GALNT17: variants seen among roughly 807,000 people sequenced by gnomAD.
The protein encoded by GALNT17 is UDP-GalNAc:polypeptide N-acetylgalactosaminyltransferase-like 3.
Under a neutral mutation model 63.7 loss-of-function variants are expected in GALNT17, and 29 were observed. That is an observed-to-expected ratio of 0.46 (90% CI 0.34 to 0.62). GALNT17 has a LOEUF of 0.62. GALNT17 is among the 20% of genes least tolerant of loss of function. GALNT17 has a pLI of 0.01. For missense variants in GALNT17, 603 were observed against 799.6 expected (o/e 0.75, Z 2.97); for synonymous variants, 305 against 318.3 (o/e 0.96, Z 0.45).
intron 1 of GALNT17, among the ~76,000 whole-genome samples, chr7:71,235,254 A>G (rs370915464): frequency 6.9e-6 from 1 of 145,154 alleles, no homozygotes; most frequent in Non-Finnish European, 1.5e-5. Context: ...CCATCTCGGA[A>G]AAAAAAAAAA....
chr7:71,340,896 G>A (rs1224094748), intron 2 of GALNT17, among the ~76,000 whole-genome samples: 1 of 152,016 alleles, frequency 6.6e-6, no homozygotes, highest in African/African-American at 2.4e-5. Flanking sequence ...AAATTAGCTG[G>A]GCATAGTGGT....
rs1788951007 is a variant in GALNT17, at chr7:71,544,591, G to A, written c.963-26694G>A. Among the ~76,000 whole-genome samples, 6 of 152,276 alleles carry A rather than the reference G, an allele frequency of 3.9e-5. No homozygotes were observed. The South Asian group carries it at 1.2e-3, about 32-fold the overall frequency. ...AGTGCAGACTCAATCAACCTAAGCA[G>A]ATAGAGGAGGCTCTCCAAAGCCCAG... On this transcript the variant is annotated intron_variant, in intron 5 of 10. Transcript: ENST00000333538.
At chr7:71,174,591 C>T (rs890828576) in intron 1 of GALNT17, among the ~76,000 whole-genome samples, 3 of 152,084 alleles carry the variant, frequency 2.0e-5, no homozygotes, top group Non-Finnish European at 2.9e-5. Flanking sequence ...TTATAGGTTT[C>T]GGGATGGGCG....
chr7:71,459,519 C>T (rs892594177), intron 5 of GALNT17, among the ~76,000 whole-genome samples: 4 of 152,146 alleles, frequency 2.6e-5, no homozygotes, highest in Non-Finnish European at 4.4e-5. Context: ...GGGAGTCATG[C>T]CTTATAAATC....
At chr7:71,498,831 A>G (rs146163896) in intron 5 of GALNT17, among the ~76,000 whole-genome samples, 206 of 152,360 alleles carry the variant, frequency 1.4e-3, no homozygotes, top group Admixed American at 2.1e-3. Context: ...AGAGATGAAT[A>G]GGGTTGAAAT....
intron 6 of GALNT17, among the ~76,000 whole-genome samples, chr7:71,617,624 GT>G: frequency 1.8e-5 from 1 of 55,054 alleles, no homozygotes; most frequent in East Asian, 3.7e-4. Flanking sequence ...GCTTTTGTTT[GT>G]TTGTTTGTTT....
intron 1 of GALNT17, among the ~76,000 whole-genome samples, chr7:71,232,078 G>A (rs1359712246): frequency 6.6e-6 from 1 of 152,176 alleles, no homozygotes; most frequent in African/African-American, 2.4e-5. Context: ...GAGAATTCTA[G>A]GATTGCTACA....
At chr7:71,265,116 A>ATTTT (rs1562957669) in intron 1 of GALNT17, among the ~76,000 whole-genome samples, 5 of 59,032 alleles carry the variant, frequency 8.5e-5, no homozygotes, top group African/African-American at 2.7e-4. Context: ...ATATATATAT[A>ATTTT]TATTTTTTTT....
At chr7:71,465,789 A>G (rs1051684064) in intron 5 of GALNT17, among the ~76,000 whole-genome samples, 5 of 152,198 alleles carry the variant, frequency 3.3e-5, no homozygotes, top group Non-Finnish European at 7.4e-5. Flanking sequence ...TCTTGAGGTT[A>G]TAGAAAGGAT....
At chr7:71,643,994 G>T (rs1389644370) in intron 6 of GALNT17, among the ~76,000 whole-genome samples, 1 of 152,190 alleles carries the variant, frequency 6.6e-6, no homozygotes, top group Admixed American at 6.5e-5. Flanking sequence ...GCTGAAAAAT[G>T]AATTGTTTTC....
intron 4 of GALNT17, among the ~76,000 whole-genome samples, chr7:71,418,938 A>G (rs1318864670): frequency 2.0e-5 from 3 of 152,100 alleles, no homozygotes; most frequent in Admixed American, 2.0e-4. Flanking sequence ...TCTCTACTAA[A>G]AATACAAATA....
chr7:71,463,923 T>C (rs1377760652), intron 5 of GALNT17, among the ~76,000 whole-genome samples: 1 of 152,198 alleles, frequency 6.6e-6, no homozygotes, highest in African/African-American at 2.4e-5. Flanking sequence ...CTTTGTGACC[T>C]GTATCTTGTG....
chr7:71,581,787 A>T (rs1789638875), intron 6 of GALNT17, among the ~76,000 whole-genome samples: 1 of 152,140 alleles, frequency 6.6e-6, no homozygotes, highest in South Asian at 2.1e-4. Context: ...CATTTTAGAA[A>T]TGCTGAGTTT....
intron 3 of GALNT17, among the ~76,000 whole-genome samples, chr7:71,394,327 C>T (rs1290382475): frequency 2.6e-5 from 4 of 152,100 alleles, no homozygotes; most frequent in African/African-American, 7.2e-5. Context: ...CCAAGCCTTT[C>T]GCGTCCATGA....
chr7:71,370,696 G>T (rs578056388), intron 2 of GALNT17, among the ~76,000 whole-genome samples: 123 of 152,166 alleles, frequency 8.1e-4, no homozygotes, highest in African/African-American at 2.9e-3. Context: ...TTGAACTCCT[G>T]GTCTCAATTG....
chr7:71,329,752 A>G (rs555695909), intron 1 of GALNT17, among the ~76,000 whole-genome samples: 1 of 151,768 alleles, frequency 6.6e-6, no homozygotes, highest in Admixed American at 6.6e-5. Flanking sequence ...GGGAAATTCG[A>G]CCCCATGATG....
intron 1 of GALNT17, among the ~76,000 whole-genome samples, chr7:71,261,359 CA>C (rs1480544260): frequency 1.3e-5 from 2 of 151,932 alleles, no homozygotes; most frequent in Non-Finnish European, 2.9e-5. Flanking sequence ...GCCACCGGAG[CA>C]AAAATACTTT....
intron 6 of GALNT17, among the ~76,000 whole-genome samples, chr7:71,582,823 TG>T (rs1302651107): frequency 2.0e-5 from 3 of 151,430 alleles, no homozygotes; most frequent in Non-Finnish European, 2.9e-5. Flanking sequence ...GGGGAAAGGG[TG>T]GGAAGGGGGT....
chr7:71,510,138 G>T (rs149731659), intron 5 of GALNT17, among the ~76,000 whole-genome samples: 6 of 151,950 alleles, frequency 3.9e-5, no homozygotes, highest in African/African-American at 1.5e-4. Flanking sequence ...GTAGAGATGG[G>T]GCCTTGCTCT....
Sources: allele counts gnomAD v4.1 joint callset (sites outside exome capture counted in the v4.1 genomes callset), GRCh38; gene constraint gnomAD v4.1.1; transcripts MANE v1.5; gene names NCBI Gene and HGNC (gene_info 2026-07-23, HGNC 2026-07-21).